TRAPPC9: variants seen among roughly 807,000 people sequenced by gnomAD.
TRAPPC9 encodes the protein trafficking protein particle complex subunit 9.
A neutral mutation model predicts 124.0 loss-of-function variants in TRAPPC9; 83 were observed. The observed-to-expected ratio is 0.67, with a 90% CI of 0.56 to 0.80. The LOEUF (loss-of-function observed/expected upper bound fraction) is 0.80. TRAPPC9 is among the 30% of genes least tolerant of loss of function. The probability of loss-of-function intolerance (pLI) is 0.00; values close to 1 mark genes in which losing one functional copy is unlikely to be tolerated. For missense variants in TRAPPC9, 1,302 were observed against 1,508.3 expected (o/e 0.86, Z 2.27); for synonymous variants, 638 against 617.5 (o/e 1.03, Z -0.49).
chr8:140,206,921 T>A (rs1208639848), intron 17 of TRAPPC9, among the ~76,000 whole-genome samples: 1 of 152,090 alleles, frequency 6.6e-6, no homozygotes, highest in Non-Finnish European at 1.5e-5. Flanking sequence ...CGAGCACCCG[T>A]CATGTGCCAG....
intron 21 of TRAPPC9, among the ~76,000 whole-genome samples, chr8:139,752,678 T>C (rs1819405265): frequency 1.3e-5 from 2 of 149,328 alleles, no homozygotes; most frequent in East Asian, 2.0e-4. Flanking sequence ...CACTCATCCA[T>C]CTCTCTACCA....
chr8:139,850,707 G>C (rs952949008), intron 21 of TRAPPC9, among the ~76,000 whole-genome samples: 26 of 152,146 alleles, frequency 1.7e-4, no homozygotes, highest in African/African-American at 6.0e-4. Flanking sequence ...ACTCATCAGT[G>C]GTCCACCCAT....
intron 17 of TRAPPC9, among the ~76,000 whole-genome samples, chr8:140,067,721 A>G (rs1224029121): frequency 6.6e-6 from 1 of 152,224 alleles, no homozygotes; most frequent in Non-Finnish European, 1.5e-5. Flanking sequence ...GGGGGTGAGT[A>G]TCAAATACAA....
At chr8:140,046,014 C>CT (rs1283810320) in intron 17 of TRAPPC9, among the ~76,000 whole-genome samples, 1 of 151,604 alleles carries the variant, frequency 6.6e-6, no homozygotes, top group Non-Finnish European at 1.5e-5. Context: ...TCTGGAGACT[C>CT]TTTTTTTAAT....
intron 19 of TRAPPC9, among the ~76,000 whole-genome samples, chr8:139,928,573 G>C (rs1832941716): frequency 6.6e-6 from 1 of 151,952 alleles, no homozygotes; most frequent in Non-Finnish European, 1.5e-5. Flanking sequence ...TTGACCTCAA[G>C]GCCTTTGTGT....
intron 21 of TRAPPC9, among the ~76,000 whole-genome samples, chr8:139,827,702 G>A (rs1825732527): frequency 1.3e-5 from 2 of 152,236 alleles, no homozygotes; most frequent in South Asian, 4.1e-4. Flanking sequence ...AGCAGCAAGA[G>A]GGAGGAGCTC....
intron 17 of TRAPPC9, among the ~76,000 whole-genome samples, chr8:140,048,241 A>T (rs773912644): frequency 6.6e-6 from 1 of 152,238 alleles, no homozygotes; most frequent in Non-Finnish European, 1.5e-5. Flanking sequence ...TTGTAAGGAC[A>T]GTGCCTGGCA....
chr8:140,442,182 C>T (rs986288262), intron 2 of TRAPPC9, among the ~76,000 whole-genome samples: 1 of 152,122 alleles, frequency 6.6e-6, no homozygotes, highest in African/African-American at 2.4e-5. Flanking sequence ...AAAGTGCAAA[C>T]ATTATGATAA....
intron 21 of TRAPPC9, among the ~76,000 whole-genome samples, chr8:139,781,415 G>A (rs1821805530): frequency 6.6e-6 from 1 of 152,190 alleles, no homozygotes; most frequent in Non-Finnish European, 1.5e-5. Flanking sequence ...GCTACACACT[G>A]TATAATTCCA....
rs182047530 is a variant in TRAPPC9, at chr8:140,057,840, C to T, written c.2557-33761G>A. On this transcript the variant is annotated intron_variant, in intron 17 of 22. Coordinates refer to ENST00000438773, the MANE Select transcript of TRAPPC9 (RefSeq NM_001160372.4). ...ACCATCTCAAGGTTACATGTTCTTC[C>T]CACAATGGAAAAAAAATGAGAGCAA... is the stretch of plus-strand genomic sequence containing the variant. 1.7e-3 allele frequency among the ~76,000 whole-genome samples: 256 copies of T among 152,246 alleles called. 1 individual carries two copies. Among genetic ancestry groups the T allele is most frequent in the African/African-American group, 5.9e-3 (246 of 41,550 alleles).
intron 20 of TRAPPC9, among the ~76,000 whole-genome samples, chr8:139,898,339 C>A (rs1297086518): frequency 6.6e-6 from 1 of 152,222 alleles, no homozygotes; most frequent in Non-Finnish European, 1.5e-5. Context: ...ATCCTGAGGA[C>A]AAGGGGCAGG....
chr8:139,783,406 C>T (rs1024606438), intron 21 of TRAPPC9, among the ~76,000 whole-genome samples: 1 of 152,166 alleles, frequency 6.6e-6, no homozygotes, highest in Non-Finnish European at 1.5e-5. Flanking sequence ...TGAAAAGCTT[C>T]ATTTCATTTG....
intron 19 of TRAPPC9, among the ~76,000 whole-genome samples, chr8:139,962,151 CTCATCT>C (rs1243965260): frequency 1.6e-5 from 2 of 124,386 alleles, no homozygotes; most frequent in African/African-American, 5.1e-5. Flanking sequence ...CTCAATGACG[CTCATCT>C]TCATCTTGTT....
At chr8:140,208,685 C>A (rs1210622304) in intron 17 of TRAPPC9, among the ~76,000 whole-genome samples, 1 of 152,220 alleles carries the variant, frequency 6.6e-6, no homozygotes, top group African/African-American at 2.4e-5. Context: ...CATGTCAGCC[C>A]CTGTAGCAGG....
At chr8:140,151,604 T>C (rs1376342004) in intron 17 of TRAPPC9, among the ~76,000 whole-genome samples, 1 of 152,188 alleles carries the variant, frequency 6.6e-6, no homozygotes, top group Non-Finnish European at 1.5e-5. Flanking sequence ...GGGCCCACCC[T>C]AGTAACCTCA....
Position 140,087,330 on chromosome 8 carries a change from A to G in TRAPPC9, c.2557-63251T>C, listed in dbSNP as rs1174362489. ...CTCTATCTCTGCAACCCCCTCAGGAATGTCATCCAGGCCCAGGATTTTAAA... is the reference window on the plus strand; with the variant it reads ...CTCTATCTCTGCAACCCCCTCAGGAGTGTCATCCAGGCCCAGGATTTTAAA... On this transcript the variant is annotated intron_variant, in intron 17 of 22. Transcript: ENST00000438773. The surrounding 1 kb of genome is among the most constrained non-coding windows in gnomAD (Gnocchi z 4.6). Among the ~76,000 whole-genome samples the G allele has an allele frequency of 6.6e-6, 1 of 152,012 alleles. No homozygotes were observed. Among genetic ancestry groups the G allele is most frequent in the Admixed American group, 6.5e-5 (1 of 15,270 alleles).
chr8:139,952,473 C>A (rs1043943276), intron 19 of TRAPPC9, among the ~76,000 whole-genome samples: 1 of 152,108 alleles, frequency 6.6e-6, no homozygotes, highest in Admixed American at 6.6e-5. Context: ...GTAGAATGCA[C>A]CAAACAGGAC....
intron 15 of TRAPPC9, among the ~76,000 whole-genome samples, chr8:140,272,421 T>C (rs1259184287): frequency 6.8e-6 from 1 of 147,926 alleles, no homozygotes; most frequent in Non-Finnish European, 1.5e-5. Context: ...GTGATGGTGA[T>C]GGTGGTGATG....
At chr8:140,059,208 G>T (rs554590823) in intron 17 of TRAPPC9, among the ~76,000 whole-genome samples, 1 of 152,052 alleles carries the variant, frequency 6.6e-6, no homozygotes, top group South Asian at 2.1e-4. Flanking sequence ...CATATAAATG[G>T]AATCATAACA....
Sources: gnomAD v4.1 joint callset for allele counts (sites outside exome capture counted in the v4.1 genomes callset) on GRCh38, gnomAD v4.1.1 for gene constraint, Gnocchi (gnomAD v3.1) non-coding constraint, MANE v1.5 for transcripts, NCBI Gene and HGNC (gene_info 2026-07-23, HGNC 2026-07-21) for gene names.